HS1BP3: variants seen among roughly 807,000 people sequenced by gnomAD.
HS1BP3 encodes the protein HCLS1-binding protein 3.
In HS1BP3, 32 loss-of-function variants were observed where a neutral mutation model predicts 33.5. The ratio of observed to expected loss-of-function variants is 0.95; its 90% CI spans 0.72 to 1.28. HS1BP3 has a LOEUF of 1.28. Among genes scored for constraint, HS1BP3 ranks in the 50% most tolerant of loss-of-function variants. The pLI, the probability that HS1BP3 is intolerant of heterozygous loss-of-function variation, is 0.00. For synonymous variants in HS1BP3, 187 were observed against 209.2 expected, an observed-to-expected ratio of 0.89 and a Z score of 0.92; for missense variants, 486 against 502.3, an observed-to-expected ratio of 0.97 and a Z score of 0.31.
chr2:20,624,797 C>G lies in HS1BP3; in HGVS notation c.719G>C (p.Gly240Ala). 6.2e-7 allele frequency: 1 copy of G among 1,613,504 alleles called. No individual in the cohort carries two copies. Among genetic ancestry groups the G allele is most frequent in the Non-Finnish European group, 8.5e-7 (1 of 1,179,708 alleles). ...IFDEEVDPDEGLFGPGRKLSP... is the reference protein window; with the variant it reads ...IFDEEVDPDEALFGPGRKLSP... ...CAGCTTCCTGCCCGGGCCAAAGAGC[C>G]CCTCATCAGGGTCCACCTCCTCGTC... The change falls in exon 5 of 7, where the codon GGG (glycine) becomes GCG (alanine). Residue 240 changes from glycine (G) to alanine (A), a missense_variant. By Grantham distance (60) the Gly-to-Ala change is moderately conservative (BLOSUM62 0). Coordinates refer to ENST00000304031, the MANE Select transcript of HS1BP3 (RefSeq NM_022460.4).
intron 4 of HS1BP3, among the ~76,000 whole-genome samples, chr2:20,631,923 G>A (rs1694981589): frequency 6.6e-6 from 1 of 152,234 alleles, no homozygotes; most frequent in African/African-American, 2.4e-5. Context: ...CCCACAGTCT[G>A]CAGTAACCTG....
chr2:20,582,395 T>C (rs543371087), intron 5 of HS1BP3, among the ~76,000 whole-genome samples: 5 of 151,232 alleles, frequency 3.3e-5, no homozygotes, highest in East Asian at 2.0e-4. Context: ...CTGAGAGAGA[T>C]TGGTAGGGGA....
chr2:20,609,771 A>G (rs1694277422), intron 2 of HS1BP3, among the ~76,000 whole-genome samples: 1 of 152,210 alleles, frequency 6.6e-6, no homozygotes, highest in Non-Finnish European at 1.5e-5. Context: ...AGGCCAATTG[A>G]GGATTCTGAC....
chr2:20,607,734 G>A (rs1332685617), intron 2 of HS1BP3, among the ~76,000 whole-genome samples: 1 of 152,138 alleles, frequency 6.6e-6, no homozygotes, highest in African/African-American at 2.4e-5. Context: ...GCTATTCAGG[G>A]TCCCTTGTAA....
At chr2:20,583,787 C>T (rs1693616559) in intron 5 of HS1BP3, among the ~76,000 whole-genome samples, 1 of 152,186 alleles carries the variant, frequency 6.6e-6, no homozygotes, top group Non-Finnish European at 1.5e-5. Flanking sequence ...ACACCTGGGG[C>T]TCGGTCCTGC....
chr2:20,610,824 G>A (rs58590712), intron 2 of HS1BP3, among the ~76,000 whole-genome samples: 2,175 of 152,264 alleles, frequency 0.014, 40 homozygotes, highest in African/African-American at 0.047. Context: ...GATATAATTC[G>A]CGTATAATCA....
downstream of HS1BP3, among the ~76,000 whole-genome samples, chr2:20,616,027 C>T (rs1396911447): frequency 6.6e-6 from 1 of 152,202 alleles, no homozygotes; most frequent in Admixed American, 6.5e-5. Context: ...AGGAACAATG[C>T]CGGGAGGAAG....
At chr2:20,627,665 A>G (rs6531250) in intron 4 of HS1BP3, among the ~76,000 whole-genome samples, 146,692 of 152,242 alleles carry the variant, frequency 0.96, 70,925 homozygotes, top group East Asian at 1. Context: ...GGGCGGCTCC[A>G]GCAGGCATGG....
Position 20,575,760 on chromosome 2 carries a change from ACCCCCC to A in HS1BP3, c.303-15251_303-15246del, listed in dbSNP as rs58267147. On this transcript the variant is annotated intron_variant, in intron 5 of 5. Transcript: ENST00000446825. ...GCAACGCCTCTGTCTCCTTGGTTCC[ACCCCCC>A]CCCCCCCCTTCAGGCTACCCCAGCA... Among the ~76,000 whole-genome samples, 836 of 148,368 alleles carry A rather than the reference ACCCCCC, an allele frequency of 5.6e-3. 11 individuals carry two copies. The highest frequency in any genetic ancestry group is 0.02 in the African/African-American group (782 of 38,510).
downstream of HS1BP3, among the ~76,000 whole-genome samples, chr2:20,559,496 G>A (rs1427190727): frequency 2.0e-5 from 3 of 151,350 alleles, no homozygotes; most frequent in Non-Finnish European, 4.4e-5. Flanking sequence ...ATGATTGGAT[G>A]AATGGATGGA....
intron 5 of HS1BP3, among the ~76,000 whole-genome samples, chr2:20,583,573 G>A (rs932728198): frequency 3.9e-5 from 6 of 152,228 alleles, no homozygotes; most frequent in South Asian, 2.1e-4. Context: ...CAGCTTCAAA[G>A]TCCAGAGAGA....
At chr2:20,597,663 A>C (rs934575152) in intron 3 of HS1BP3, among the ~76,000 whole-genome samples, 4 of 142,448 alleles carry the variant, frequency 2.8e-5, no homozygotes, top group Non-Finnish European at 6.3e-5. Flanking sequence ...TTGCTTGAGA[A>C]AAAAAAAAAA....
chr2:20,649,503 A>C (rs1041283171), intron 1 of HS1BP3, among the ~76,000 whole-genome samples: 10 of 152,178 alleles, frequency 6.6e-5, no homozygotes, highest in Non-Finnish European at 1.0e-4. Context: ...GACATGTCGT[A>C]GATTTGCCCA....
chr2:20,637,031 C>A lies in HS1BP3; in HGVS notation c.623+1405G>T, dbSNP rs1239583695. Reference sequence around the variant, plus strand: ...GTACAGAGCTGGGGAGGGGGCTGCCCCCGCCCCCCCCGCCCCGCCAAGGGG... The same window carrying A: ...GTACAGAGCTGGGGAGGGGGCTGCCACCGCCCCCCCCGCCCCGCCAAGGGG... On this transcript the variant is annotated intron_variant, in intron 4 of 6. Coordinates refer to ENST00000304031, the MANE Select transcript of HS1BP3 (RefSeq NM_022460.4). 3.1e-3 allele frequency: 252 copies of A among 80,164 alleles called. 9 individuals carry two copies. The highest frequency in any genetic ancestry group is 9.4e-3 in the African/African-American group (239 of 25,434). 5.0% of individuals were successfully genotyped at this position (80,164 alleles called of 1,614,324 possible).
At chr2:20,567,929 G>T (rs531235453) in intron 5 of HS1BP3, among the ~76,000 whole-genome samples, 3 of 152,268 alleles carry the variant, frequency 2.0e-5, no homozygotes, top group South Asian at 4.1e-4. Context: ...GGAACTCAAC[G>T]TCCCCAGGGG....
chr2:20,645,346 C>G lies in HS1BP3; in HGVS notation c.192G>C (p.Gln64His). 1 of 1,613,434 alleles carries G rather than the reference C, an allele frequency of 6.2e-7. No homozygotes were observed. ...SAKHRPEDVVQFLVSKKYSEI... is the reference protein window; with the variant it reads ...SAKHRPEDVVHFLVSKKYSEI... ...GCCAGAGCCTCCGGCTCACCAAGAA[C>G]TGGACGACATCCTCGGGCCTGTGCT... Residue 64 changes from glutamine to histidine, a missense_variant, in exon 2 of 7, where the codon CAG (glutamine) becomes CAC (histidine). Coordinates refer to ENST00000304031, the MANE Select transcript of HS1BP3 (RefSeq NM_022460.4).
At chr2:20,558,381 C>A (rs185637782), downstream of HS1BP3, among the ~76,000 whole-genome samples, 1 of 152,166 alleles carries the variant, frequency 6.6e-6, no homozygotes, top group African/African-American at 2.4e-5. Flanking sequence ...ACACCTGGTA[C>A]TTTTGTGCCT....
intron 5 of HS1BP3, among the ~76,000 whole-genome samples, chr2:20,561,570 C>T (rs1692998896): frequency 6.6e-6 from 1 of 152,180 alleles, no homozygotes; most frequent in Non-Finnish European, 1.5e-5. Context: ...TACACACACA[C>T]CCACATGCCT....
chr2:20,568,023 G>T (rs1693178127), intron 5 of HS1BP3, among the ~76,000 whole-genome samples: 1 of 152,124 alleles, frequency 6.6e-6, no homozygotes, highest in Non-Finnish European at 1.5e-5. Context: ...GGCTGGTCTC[G>T]CTCAGTGCCT....
Sources: allele counts gnomAD v4.1 joint callset (sites outside exome capture counted in the v4.1 genomes callset), GRCh38; gene constraint gnomAD v4.1.1; transcripts MANE v1.5; gene names NCBI Gene and HGNC (gene_info 2026-07-23, HGNC 2026-07-21).